The following POLD3 variants were observed in gnomAD, a reference collection of about 807,000 sequenced individuals.
POLD3 encodes DNA polymerase delta subunit 3.
Under a neutral mutation model 58.2 loss-of-function variants are expected in POLD3, and 19 were observed. The ratio of observed to expected loss-of-function variants is 0.33; its 90% CI spans 0.23 to 0.48. POLD3 has a LOEUF of 0.48. POLD3 is among the 20% of genes least tolerant of loss of function. POLD3 has a pLI of 0.99. For missense variants in POLD3, 504 were observed against 545.5 expected, an observed-to-expected ratio of 0.92 and a Z score of 0.76; for synonymous variants, 172 against 193.5, an observed-to-expected ratio of 0.89 and a Z score of 0.92.
At chr11:74,668,231 C>G (rs570434248) in intron 4 of POLD3, among the ~76,000 whole-genome samples, 2 of 152,100 alleles carry the variant, frequency 1.3e-5, no homozygotes, top group South Asian at 4.2e-4. Context: ...ATATATGTAC[C>G]CAAAAGCAGT....
chr11:74,653,541 C>T (rs1286269987), intron 4 of POLD3, among the ~76,000 whole-genome samples: 1 of 151,974 alleles, frequency 6.6e-6, no homozygotes, highest in Non-Finnish European at 1.5e-5. Context: ...CTGAAAACCA[C>T]AATGTATAAC....
At chr11:74,602,810 C>T (rs2031548335) in intron 2 of POLD3, among the ~76,000 whole-genome samples, 2 of 152,248 alleles carry the variant, frequency 1.3e-5, no homozygotes, top group African/African-American at 4.8e-5. Context: ...TCCACTACAG[C>T]ACACTGGCCT....
chr11:74,641,908 C>A lies in POLD3; in HGVS notation c.*1142C>A. The A allele has an allele frequency of 2.0e-6, 2 of 985,166 alleles. No individual in the cohort carries two copies. The highest frequency in any genetic ancestry group is 2.4e-6 in the Non-Finnish European group (2 of 829,738). 61.0% of individuals were successfully genotyped at this position (985,166 alleles called of 1,614,324 possible). On this transcript the variant is annotated 3_prime_UTR_variant, in exon 12 of 12. Transcript: ENST00000263681. ...TCAAAGAAAACATTTTTATTAGTTA[C>A]TTATGGAAAATCATCTATTACAATG... is the stretch of plus-strand genomic sequence containing the variant.
At chr11:74,637,812 T>A (rs2032793582) in intron 11 of POLD3, among the ~76,000 whole-genome samples, 1 of 151,732 alleles carries the variant, frequency 6.6e-6, no homozygotes, top group Admixed American at 6.6e-5. Flanking sequence ...TGCACTTTTT[T>A]TTTTTTTTTT....
At chr11:74,657,362 T>C (rs2135197711) in intron 4 of POLD3, among the ~76,000 whole-genome samples, 1 of 152,292 alleles carries the variant, frequency 6.6e-6, no homozygotes, top group East Asian at 1.9e-4. Flanking sequence ...GTCTTCCTTT[T>C]AGTGAAGGTA....
At chr11:74,604,287 C>A (rs1565112898) in intron 2 of POLD3, among the ~76,000 whole-genome samples, 1 of 152,144 alleles carries the variant, frequency 6.6e-6, no homozygotes, top group Admixed American at 6.6e-5. Flanking sequence ...TCTAATATAA[C>A]CCTCCTGTTT....
In POLD3 at chr11:74,625,563, GA is replaced by G. The variant is rs761423306; in HGVS notation, c.898del (p.Arg300GlyfsTer5). ...AGAGCCTGTTAAGGTGCTGCAGAAG[GA>G]AAAAAAAAGGTAGGAAAATTTTGTT... ...KAEPVKVLQK[E>X]KKRGKRVALS... is the part of the protein sequence containing the mutation. On this transcript the variant is annotated frameshift_variant, in exon 8 of 12. Transcript: ENST00000263681. LOFTEE classifies it high-confidence loss of function. 4.3e-5 allele frequency: 67 copies of G among 1,574,834 alleles called. No homozygotes were observed. The highest frequency in any genetic ancestry group is 2.1e-4 in the Admixed American group (11 of 51,980).
chr11:74,630,885 C>G lies in POLD3; in HGVS notation c.1006+1562C>G, dbSNP rs17133308. Among the ~76,000 whole-genome samples the G allele has an allele frequency of 9.2e-3, 1,398 of 152,264 alleles. 20 individuals carry two copies. Among genetic ancestry groups the G allele is most frequent in the African/African-American group, 0.032 (1,328 of 41,554 alleles). On this transcript the variant is annotated intron_variant, in intron 9 of 11. Transcript: ENST00000263681. The stretch of plus-strand genomic sequence containing the variant: ...CTGAAATATTCCCTATAGTTCTGAT[C>G]TGTAGCCTACAAAAATAATACTGTT...
intron 7 of POLD3, among the ~76,000 whole-genome samples, chr11:74,623,263 C>T (rs1742807646): frequency 6.6e-6 from 1 of 152,000 alleles, no homozygotes; most frequent in South Asian, 2.1e-4. Flanking sequence ...GAAACCCCAT[C>T]TCTCCTAAAA....
At chr11:74,645,044 T>C (rs7123887), downstream of POLD3, among the ~76,000 whole-genome samples, 40,933 of 152,146 alleles carry the variant, frequency 0.27, 5,937 homozygotes, top group South Asian at 0.42. Flanking sequence ...AGTTACCATT[T>C]TGGAGTGACA....
rs2032909891 is a variant in POLD3 at position 74,641,419 on chromosome 11, C to G, written c.*653C>G. On this transcript the variant is annotated 3_prime_UTR_variant, in exon 12 of 12. Coordinates refer to ENST00000263681, the MANE Select transcript of POLD3 (RefSeq NM_006591.3). ...TCACAAAAGCTCTCTGGGACCTTCA[C>G]TTGCAATTAGTGGTTAGGGAAAAGC... 3 of 985,304 alleles carry G rather than the reference C, an allele frequency of 3.0e-6. No homozygotes were observed. Among genetic ancestry groups the G allele is most frequent in the African/African-American group, 1.7e-5 (1 of 57,230 alleles). 61.0% of individuals were successfully genotyped at this position (985,304 alleles called of 1,614,324 possible). A position where few individuals can be genotyped will look rare whatever the true frequency, so the allele number is the denominator to read the frequency against.
At chr11:74,650,924 G>A (rs1239323409) in intron 4 of POLD3, among the ~76,000 whole-genome samples, 1 of 152,238 alleles carries the variant, frequency 6.6e-6, no homozygotes, top group Admixed American at 6.5e-5. Flanking sequence ...GCAGCTGAGG[G>A]AGCCTCATAA....
intron 2 of POLD3, chr11:74,595,227 A>G (rs2031194427): frequency 7.7e-6 from 1 of 129,158 alleles, no homozygotes; most frequent in Non-Finnish European, 1.6e-5. Flanking sequence ...GCTGGATTTG[A>G]ACTCAAGGAT....
At chr11:74,614,151 A>G (rs1182502521) in intron 5 of POLD3, among the ~76,000 whole-genome samples, 1 of 152,260 alleles carries the variant, frequency 6.6e-6, no homozygotes, top group East Asian at 1.9e-4. Context: ...TTTGACTACT[A>G]GGATAAAAAT....
At chr11:74,634,432 TAAC>T (rs1414509415) in intron 9 of POLD3, 148 bp from the exon 10 acceptor site, 3 of 447,350 alleles carry the variant, frequency 6.7e-6, no homozygotes, top group African/African-American at 5.9e-5. Flanking sequence ...ATTTTAAAGA[TAAC>T]TATATAACTA....
At chr11:74,661,771 G>T (rs2033209485) in intron 4 of POLD3, among the ~76,000 whole-genome samples, 1 of 152,166 alleles carries the variant, frequency 6.6e-6, no homozygotes, top group Non-Finnish European at 1.5e-5. Flanking sequence ...TTTTCTTCAG[G>T]GCAGCAAGTT....
chr11:74,655,020 G>T (rs1287486323), intron 4 of POLD3, among the ~76,000 whole-genome samples: 1 of 152,198 alleles, frequency 6.6e-6, no homozygotes. Context: ...ACACCTGGTA[G>T]AACTTGAGGC....
At chr11:74,596,136 G>A (rs1372246572) in intron 2 of POLD3, among the ~76,000 whole-genome samples, 1 of 149,884 alleles carries the variant, frequency 6.7e-6, no homozygotes, top group African/African-American at 2.5e-5. Context: ...CAAAATGCTG[G>A]GATTACAGAT....
intron 4 of POLD3, among the ~76,000 whole-genome samples, chr11:74,656,669 T>C (rs1488605888): frequency 6.6e-6 from 1 of 152,134 alleles, no homozygotes; most frequent in African/African-American, 2.4e-5. Flanking sequence ...TTGTATAGTT[T>C]CCAAAATTCC....
Sources: allele counts gnomAD v4.1 joint callset (sites outside exome capture counted in the v4.1 genomes callset), GRCh38; gene constraint gnomAD v4.1.1; transcripts MANE v1.5; gene names NCBI Gene and HGNC (gene_info 2026-07-23, HGNC 2026-07-21).